Variants in LIN7A observed in about 807,000 individuals in gnomAD.
LIN7A encodes protein lin-7 homolog A.
LIN7A carries 25 observed loss-of-function variants against 29.8 expected under a neutral mutation model. The ratio of observed to expected loss-of-function variants is 0.84; its 90% confidence interval spans 0.61 to 1.17. The LOEUF (loss-of-function observed/expected upper bound fraction) is 1.17, where lower values mean the gene tolerates loss of function less well. Among genes scored for constraint, LIN7A ranks in the 50% most tolerant of loss-of-function variants. LIN7A has a pLI of 0.00. For missense variants in LIN7A, 239 were observed against 287.0 expected, an observed-to-expected ratio of 0.83 and a Z score of 1.21; for synonymous variants, 118 against 107.5, an observed-to-expected ratio of 1.10 and a Z score of -0.60.
chr12:80,822,615 A>G (rs1344066557), intron 4 of LIN7A, among the ~76,000 whole-genome samples: 1 of 152,214 alleles, frequency 6.6e-6, no homozygotes, highest in Non-Finnish European at 1.5e-5. Flanking sequence ...TGATTTAATT[A>G]TCTCCCACTG....
intron 1 of LIN7A, among the ~76,000 whole-genome samples, chr12:80,890,504 A>G (rs1477845373): frequency 6.6e-6 from 1 of 152,184 alleles, no homozygotes; most frequent in African/African-American, 2.4e-5. Flanking sequence ...TGAGAAAGAA[A>G]TATAATAGCA....
Position 80,937,796 on chromosome 12 carries a change from G to C in LIN7A, c.-74C>G. 1.2e-6 allele frequency: 1 copy of C among 840,196 alleles called. No individual in the cohort carries two copies. The highest frequency in any genetic ancestry group is 1.7e-6 in the Non-Finnish European group (1 of 594,116). 52.0% of individuals were successfully genotyped at this position (840,196 alleles called of 1,614,324 possible). A position where few individuals can be genotyped will look rare whatever the true frequency, so the allele number is the denominator to read the frequency against. On this transcript the variant is annotated 5_prime_UTR_variant, in exon 1 of 6. Coordinates refer to ENST00000552864, the MANE Select transcript of LIN7A (RefSeq NM_004664.4). ...TGGAGAGGGAAGACGGAAAGGAGGG[G>C]GAGGAGGGGGAAGGAAGGAAGGTGG...
chr12:80,886,505 C>A (rs1395031334), intron 2 of LIN7A, among the ~76,000 whole-genome samples: 1 of 151,844 alleles, frequency 6.6e-6, no homozygotes, highest in Admixed American at 6.6e-5. Flanking sequence ...AAATTCCAAA[C>A]TTAGCAAATA....
intron 1 of LIN7A, among the ~76,000 whole-genome samples, chr12:80,905,504 A>G (rs1010056592): frequency 6.6e-6 from 1 of 152,310 alleles, no homozygotes; most frequent in Non-Finnish European, 1.5e-5. Context: ...TATATAATAT[A>G]TATGCTAAAG....
At chr12:80,924,306 G>T (rs1287032252) in intron 1 of LIN7A, among the ~76,000 whole-genome samples, 1 of 152,110 alleles carries the variant, frequency 6.6e-6, no homozygotes, top group South Asian at 2.1e-4. Context: ...TTCATAGATG[G>T]CAAGTGGCAG....
intron 1 of LIN7A, among the ~76,000 whole-genome samples, chr12:80,920,364 T>C (rs955875399): frequency 3.9e-5 from 6 of 152,218 alleles, no homozygotes; most frequent in Non-Finnish European, 8.8e-5. Flanking sequence ...TTGTGACCTC[T>C]GGGTTAAGGT....
At chr12:80,930,943 C>T (rs1877863896) in intron 1 of LIN7A, among the ~76,000 whole-genome samples, 1 of 152,174 alleles carries the variant, frequency 6.6e-6, no homozygotes, top group Non-Finnish European at 1.5e-5. Context: ...CAACTATGTG[C>T]CACACAATGT....
At chr12:80,843,075 A>T (rs2121548661) in intron 4 of LIN7A, among the ~76,000 whole-genome samples, 1 of 152,298 alleles carries the variant, frequency 6.6e-6, no homozygotes, top group Non-Finnish European at 1.5e-5. Context: ...AGAATATGTC[A>T]GAAATGGATT....
Position 80,807,077 on chromosome 12 carries a change from T to TTTTTTTGTTTTTTG in LIN7A, c.*4387_*4388insCAAAAAACAAAAAA, listed in dbSNP as rs1555221368. On this transcript the variant is annotated intron_variant, in intron 5 of 5. Transcript: ENST00000552864. ...ATGAAGATGGAGTTTTTTTTTTTTTTTTTTTTTTTTTTTTGACGGAGTCTC... is the reference window on the plus strand; with the variant it reads ...ATGAAGATGGAGTTTTTTTTTTTTTTTTTTTTGTTTTTTGTTTTTTTTTTTTTTGACGGAGTCTC... 4.4e-3 allele frequency among the ~76,000 whole-genome samples: 513 copies of TTTTTTTGTTTTTTG among 115,556 alleles called. 24 individuals are homozygous for TTTTTTTGTTTTTTG. Among genetic ancestry groups the TTTTTTTGTTTTTTG allele is most frequent in the Non-Finnish European group, 6.2e-3 (340 of 55,280 alleles). 75.8% of individuals were successfully genotyped at this position (115,556 alleles called of 152,430 possible). A position where few individuals can be genotyped will look rare whatever the true frequency, so the allele number is the denominator to read the frequency against.
chr12:80,913,850 T>G (rs970814424), intron 1 of LIN7A, among the ~76,000 whole-genome samples: 2 of 152,238 alleles, frequency 1.3e-5, no homozygotes, highest in Non-Finnish European at 2.9e-5. Context: ...TCTGTAATGT[T>G]GCTAATTCAT....
chr12:80,869,839 G>T (rs1242261580), intron 2 of LIN7A, among the ~76,000 whole-genome samples: 1 of 151,434 alleles, frequency 6.6e-6, no homozygotes, highest in African/African-American at 2.4e-5. Context: ...TCAACAACTG[G>T]GTAACTGAAC....
chr12:80,899,765 CTTTTCT>C lies in LIN7A; in HGVS notation c.83-10402_83-10397del, dbSNP rs1422972184. ...CATTTCCTCTAGGTTTTCTTTTTTT[CTTTTCT>C]TTTTTTTTTTTTTTTGAGATCGAGT... On this transcript the variant is annotated intron_variant, in intron 1 of 5. Coordinates refer to ENST00000552864, the MANE Select transcript of LIN7A (RefSeq NM_004664.4). Among the ~76,000 whole-genome samples, 6 of 110,042 alleles carry C rather than the reference CTTTTCT, an allele frequency of 5.5e-5. 1 individual carries two copies. In the East Asian group the frequency reaches 8.0e-4, roughly 15 times the overall value. The allele number at this position is 110,042 out of a possible 152,430, so 72.2% of individuals were successfully genotyped here.
intron 2 of LIN7A, among the ~76,000 whole-genome samples, chr12:80,886,147 A>T (rs1490172274): frequency 6.6e-6 from 1 of 151,998 alleles, no homozygotes; most frequent in Non-Finnish European, 1.5e-5. Context: ...TTTCTGAAAA[A>T]CTCAGATAAC....
At chr12:80,830,263 C>A (rs1026059366) in intron 4 of LIN7A, among the ~76,000 whole-genome samples, 2 of 152,200 alleles carry the variant, frequency 1.3e-5, no homozygotes, top group Admixed American at 1.3e-4. Context: ...TGTTCAGGAA[C>A]TGTGTTATGC....
chr12:80,922,665 G>A (rs951266759), intron 1 of LIN7A, among the ~76,000 whole-genome samples: 3 of 152,146 alleles, frequency 2.0e-5, no homozygotes, highest in Non-Finnish European at 2.9e-5. Context: ...CCCAGATACA[G>A]TAATCCCCCC....
chr12:80,811,873 C>G (rs565754905), intron 4 of LIN7A, among the ~76,000 whole-genome samples, 190 bp from the exon 5 acceptor site: 1 of 152,080 alleles, frequency 6.6e-6, no homozygotes, highest in Non-Finnish European at 1.5e-5. Flanking sequence ...TTAGGCTGCA[C>G]TAGGTCACAG....
chr12:80,905,316 A>G (rs984745635), intron 1 of LIN7A, among the ~76,000 whole-genome samples: 2 of 151,892 alleles, frequency 1.3e-5, no homozygotes, highest in African/African-American at 2.4e-5. Context: ...CAGCCTCCCA[A>G]TGGATATGGT....
chr12:80,846,351 T>C (rs1873078698), intron 3 of LIN7A, among the ~76,000 whole-genome samples: 1 of 152,228 alleles, frequency 6.6e-6, no homozygotes, highest in Non-Finnish European at 1.5e-5. Context: ...CTCTTTTGTA[T>C]GACACAGAGT....
chr12:80,826,532 CT>C lies in LIN7A; in HGVS notation c.484-14850del, dbSNP rs375384204. Among the ~76,000 whole-genome samples the C allele has an allele frequency of 7.3e-5, 11 of 151,226 alleles. 1 individual carries two copies. Among genetic ancestry groups the C allele is most frequent in the Middle Eastern group, 3.4e-3 (1 of 292 alleles). On this transcript the variant is annotated intron_variant, in intron 4 of 5. Transcript: ENST00000552864. ...TATTCCAGCCAGAGTTACTTTACTC[CT>C]TTTTTTTTAGATGGAGTCTTTCTCT... is the stretch of plus-strand genomic sequence containing the variant.
Sources: gnomAD v4.1 joint callset for allele counts (sites outside exome capture counted in the v4.1 genomes callset) on GRCh38, gnomAD v4.1.1 for gene constraint, MANE v1.5 for transcripts, NCBI Gene and HGNC (gene_info 2026-07-23, HGNC 2026-07-21) for gene names.